The following CTNND2 variants were observed in gnomAD, a reference collection of about 807,000 sequenced individuals.
CTNND2 encodes catenin delta 2, also known as catenin delta-2.
CTNND2 carries 22 observed loss-of-function variants against 144.4 expected under a neutral mutation model. The observed-to-expected ratio is 0.15, with a 90% CI of 0.11 to 0.22. The LOEUF (loss-of-function observed/expected upper bound fraction) is 0.22. CTNND2 is among the 10% of genes least tolerant of loss of function. The probability of loss-of-function intolerance (pLI) is 1.00; values close to 1 mark genes in which losing one functional copy is unlikely to be tolerated. For missense variants in CTNND2, 1,353 were observed against 1,618.8 expected (o/e 0.84, Z 2.82); for synonymous variants, 751 against 695.6 (o/e 1.08, Z -1.25).
At chr5:11,849,339 A>G (rs1794905285) in intron 1 of CTNND2, among the ~76,000 whole-genome samples, 1 of 152,162 alleles carries the variant, frequency 6.6e-6, no homozygotes, top group Admixed American at 6.5e-5. Context: ...GGGAGCTACA[A>G]TTCAAGATGA....
chr5:11,399,763 G>A (rs1282845525), intron 5 of CTNND2, among the ~76,000 whole-genome samples: 1 of 152,172 alleles, frequency 6.6e-6, no homozygotes, highest in Admixed American at 6.5e-5. Context: ...GATGTACTCT[G>A]ACAAAAGTAA....
rs559219785 is a variant in CTNND2 at position 11,030,837 on chromosome 5, G to GT, written c.2789-7859dup. On this transcript the variant is annotated intron_variant, in intron 16 of 21. Transcript: ENST00000304623. ...TCCCTGTTTCATTGTATGCCTTGTG[G>GT]TTTTTTATTGTTGTTGAAACTGAAA... is the stretch of plus-strand genomic sequence containing the variant. Among the ~76,000 whole-genome samples the GT allele has an allele frequency of 2.1e-4, 31 of 149,310 alleles. No homozygotes were observed. The South Asian group carries it at 6.3e-3, about 30-fold the overall frequency.
At chr5:11,641,750 GTA>G (rs1491404346) in intron 2 of CTNND2, among the ~76,000 whole-genome samples, 5 of 138,308 alleles carry the variant, frequency 3.6e-5, no homozygotes, top group East Asian at 2.3e-4. Flanking sequence ...ATATACGTGT[GTA>G]TGTACATACA....
chr5:11,825,756 A>G (rs1793570462), intron 1 of CTNND2, among the ~76,000 whole-genome samples: 1 of 152,058 alleles, frequency 6.6e-6, no homozygotes, highest in Non-Finnish European at 1.5e-5. Context: ...AAGAAATATT[A>G]CCTCCAGAGG....
intron 2 of CTNND2, among the ~76,000 whole-genome samples, chr5:11,567,323 G>A (rs193110964): frequency 1.0e-3 from 157 of 152,220 alleles, no homozygotes; most frequent in Non-Finnish European, 3.4e-4. Context: ...GTTGCTTGGT[G>A]TAGTTTTCTT....
intron 11 of CTNND2, among the ~76,000 whole-genome samples, chr5:11,179,241 C>T (rs1303958677): frequency 1.3e-5 from 2 of 151,482 alleles, no homozygotes; most frequent in East Asian, 1.9e-4. Flanking sequence ...TGCGGTGAAC[C>T]GAAATTGCAC....
intron 16 of CTNND2, among the ~76,000 whole-genome samples, chr5:11,053,151 T>A (rs961240033): frequency 6.6e-6 from 1 of 152,196 alleles, no homozygotes; most frequent in African/African-American, 2.4e-5. Flanking sequence ...GACTAATCAA[T>A]TTGGTCTCAT....
At chr5:11,614,226 G>A (rs1288852578) in intron 2 of CTNND2, among the ~76,000 whole-genome samples, 1 of 152,066 alleles carries the variant, frequency 6.6e-6, no homozygotes, top group East Asian at 1.9e-4. Context: ...CTTTTATGTA[G>A]AGACTATGTT....
chr5:10,997,013 A>G (rs867755933), intron 18 of CTNND2, among the ~76,000 whole-genome samples: 1 of 152,124 alleles, frequency 6.6e-6, no homozygotes, highest in South Asian at 2.1e-4. Context: ...CGAGGGGTCC[A>G]AGTAATGATG....
intron 2 of CTNND2, among the ~76,000 whole-genome samples, chr5:11,609,324 T>C (rs926724685): frequency 2.6e-5 from 4 of 152,158 alleles, no homozygotes; most frequent in African/African-American, 9.7e-5. Flanking sequence ...CTGAGAGTGT[T>C]TTATTTATTT....
chr5:11,645,924 TTTA>T (rs1312264568), intron 2 of CTNND2, among the ~76,000 whole-genome samples: 34 of 151,784 alleles, frequency 2.2e-4, no homozygotes, highest in African/African-American at 6.1e-4. Flanking sequence ...GCTTTATTGT[TTTA>T]TTTTTTTTAA....
At chr5:11,584,309 G>A (rs888549406) in intron 2 of CTNND2, among the ~76,000 whole-genome samples, 9 of 151,912 alleles carry the variant, frequency 5.9e-5, no homozygotes, top group African/African-American at 2.2e-4. Context: ...TAGTGGAGGC[G>A]GAAAGGATGC....
intron 10 of CTNND2, among the ~76,000 whole-genome samples, chr5:11,209,526 C>T (rs1738400084): frequency 6.6e-6 from 1 of 152,078 alleles, no homozygotes; most frequent in Non-Finnish European, 1.5e-5. Context: ...CTAAATGAAC[C>T]AAATAAGGGC....
rs148121655 is a variant in CTNND2 at position 11,673,987 on chromosome 5, T to C, written c.174+58149A>G. Among the ~76,000 whole-genome samples, 590 of 152,286 alleles carry C rather than the reference T, an allele frequency of 3.9e-3. 2 individuals are homozygous for C. The highest frequency in any genetic ancestry group is 0.013 in the African/African-American group (529 of 41,562). On this transcript the variant is annotated intron_variant, in intron 2 of 21. Coordinates refer to ENST00000304623, the MANE Select transcript of CTNND2 (RefSeq NM_001332.4). The stretch of plus-strand genomic sequence containing the variant: ...GGGTATATTCAACCTCAGTTTTAAA[T>C]ATGAAGCCGAATTTATTCACAGAGG...
In CTNND2 at chr5:11,026,341, C is replaced by T. The variant is rs1040906275; in HGVS notation, c.2789-3362G>A. Among the ~76,000 whole-genome samples, 7 of 150,072 alleles carry T rather than the reference C, an allele frequency of 4.7e-5. No individual in the cohort carries two copies. The Admixed American group carries it at 4.7e-4, about 10-fold the overall frequency. ...AATAGATGACTGCTCCAGCTGACTACTCCACCTTCTTCTTCTTTTTTTTTT... is the reference window on the plus strand; with the variant it reads ...AATAGATGACTGCTCCAGCTGACTATTCCACCTTCTTCTTCTTTTTTTTTT... On this transcript the variant is annotated intron_variant, in intron 16 of 21. Coordinates refer to ENST00000304623, the MANE Select transcript of CTNND2 (RefSeq NM_001332.4).
intron 18 of CTNND2, among the ~76,000 whole-genome samples, chr5:11,012,248 T>C (rs978239397): frequency 2.0e-5 from 3 of 151,918 alleles, no homozygotes; most frequent in Non-Finnish European, 2.9e-5. Context: ...GGGGGTGGGA[T>C]TGAGGGAGAG....
intron 10 of CTNND2, among the ~76,000 whole-genome samples, chr5:11,222,141 G>A (rs533647127): frequency 2.0e-5 from 3 of 152,274 alleles, no homozygotes; most frequent in Admixed American, 6.5e-5. Flanking sequence ...CCATTGCAAA[G>A]ACTACAAACC....
At chr5:11,405,591 A>G (rs1042477766) in intron 5 of CTNND2, among the ~76,000 whole-genome samples, 4 of 150,348 alleles carry the variant, frequency 2.7e-5, no homozygotes. Flanking sequence ...AAAAAAAAAG[A>G]GAGAGAAATT....
chr5:11,276,167 T>C (rs1561136068), intron 9 of CTNND2, among the ~76,000 whole-genome samples: 2 of 152,208 alleles, frequency 1.3e-5, no homozygotes, highest in Admixed American at 6.5e-5. Context: ...CCCTGGCTTC[T>C]GACATGAGAG....
Sources: gnomAD v4.1 joint callset for allele counts (sites outside exome capture counted in the v4.1 genomes callset) on GRCh38, gnomAD v4.1.1 for gene constraint, MANE v1.5 for transcripts, NCBI Gene and HGNC (gene_info 2026-07-23, HGNC 2026-07-21) for gene names.